Variants in XPO6 observed in about 807,000 individuals in gnomAD.
XPO6 encodes the protein exportin 6.
XPO6 carries 3 observed loss-of-function variants against 130.0 expected under a neutral mutation model. That is an observed-to-expected ratio of 0.02 (90% CI 0.01 to 0.06). The LOEUF is 0.06. Among genes scored for constraint, XPO6 ranks in the 10% least tolerant of loss-of-function variants. The pLI, the probability that XPO6 is intolerant of heterozygous loss-of-function variation, is 1.00. For synonymous variants in XPO6, 524 were observed against 548.9 expected, an observed-to-expected ratio of 0.95 and a Z score of 0.63; for missense variants, 970 against 1,393.0, an observed-to-expected ratio of 0.70 and a Z score of 4.83.
At chr16:28,196,439 T>C (rs1165369807) in intron 1 of XPO6, among the ~76,000 whole-genome samples, 2 of 152,164 alleles carry the variant, frequency 1.3e-5, no homozygotes, top group Non-Finnish European at 2.9e-5. Context: ...GACTGCTTAA[T>C]GGGTACAGGT....
At chr16:28,151,303 G>A (rs575399758) in intron 8 of XPO6, among the ~76,000 whole-genome samples, 2 of 151,566 alleles carry the variant, frequency 1.3e-5, no homozygotes, top group Admixed American at 1.3e-4. Context: ...GTACAAGAAT[G>A]TTCACTGCAA....
At chr16:28,148,318 C>A (rs181773364) in intron 8 of XPO6, among the ~76,000 whole-genome samples, 1 of 152,344 alleles carries the variant, frequency 6.6e-6, no homozygotes, top group East Asian at 1.9e-4. Flanking sequence ...TCCATTCCTG[C>A]AGGCCCCACT....
At chr16:28,105,818 T>G in intron 20 of XPO6, 1 of 612,722 alleles carries the variant, frequency 1.6e-6, no homozygotes, top group South Asian at 2.9e-5. Context: ...CAACTGACCC[T>G]GTGGAATAAC....
rs1303140617 is a variant in XPO6, at chr16:28,135,339, G to C, written c.1335-15C>G. 1 of 1,608,062 alleles carries C rather than the reference G, an allele frequency of 6.2e-7. No individual in the cohort carries two copies. The highest frequency in any genetic ancestry group is 2.2e-5 in the East Asian group (1 of 44,850). ...CATCTTCGTACCTATGTGGCAGGGA[G>C]AAATTCAACATTGAAAGGAGGCTTT... On this transcript the variant is annotated splice_polypyrimidine_tract_variant and intron_variant, in intron 9 of 23. Coordinates refer to ENST00000304658, the MANE Select transcript of XPO6 (RefSeq NM_015171.4).
At position 28,190,605 on chromosome 16, in the gene XPO6, T is replaced by C. The variant is rs573510724; in HGVS notation, c.4-9574A>G. Among the ~76,000 whole-genome samples, 31 of 152,272 alleles carry C rather than the reference T, an allele frequency of 2.0e-4. 1 individual carries two copies. The South Asian group carries it at 4.6e-3, about 22-fold the overall frequency. On this transcript the variant is annotated intron_variant, in intron 1 of 23. Transcript: ENST00000304658. ...GCTACACCTGACCACAGATTGATCC[T>C]GGACTGGAGGGAAAAAATGCTATGA...
At chr16:28,208,388 A>G (rs1440808059) in intron 1 of XPO6, among the ~76,000 whole-genome samples, 1 of 152,206 alleles carries the variant, frequency 6.6e-6, no homozygotes, top group East Asian at 1.9e-4. Context: ...GATCCCAGGG[A>G]AAAGACCCTC....
intron 12 of XPO6, among the ~76,000 whole-genome samples, chr16:28,131,648 ATCT>A (rs1239175103): frequency 3.9e-5 from 6 of 152,224 alleles, no homozygotes; most frequent in Non-Finnish European, 8.8e-5. Context: ...GTAAATTAAC[ATCT>A]CTGAACATCA....
intron 1 of XPO6, among the ~76,000 whole-genome samples, chr16:28,206,552 A>G (rs1209590828): frequency 6.6e-6 from 1 of 152,110 alleles, no homozygotes; most frequent in Non-Finnish European, 1.5e-5. Context: ...TGTCTCAAAA[A>G]ATAAATAAAT....
chr16:28,201,286 ATACTAT>A (rs1411974813), intron 1 of XPO6, among the ~76,000 whole-genome samples: 10 of 152,056 alleles, frequency 6.6e-5, no homozygotes, highest in African/African-American at 9.7e-5. Flanking sequence ...CCCTCTCCAA[ATACTAT>A]TACTATCATT....
At chr16:28,149,909 G>C (rs1220366448) in intron 8 of XPO6, among the ~76,000 whole-genome samples, 1 of 152,196 alleles carries the variant, frequency 6.6e-6, no homozygotes, top group Non-Finnish European at 1.5e-5. Flanking sequence ...AGCTATGAGA[G>C]AGTAAGATCA....
At position 28,156,335 on chromosome 16, in the gene XPO6, C is replaced by A. The variant is rs746452823; in HGVS notation, c.836G>T (p.Arg279Leu). Residue 279 changes from arginine to leucine, a missense_variant, in exon 7 of 24, where the codon CGA (arginine) becomes CTA (leucine). By Grantham distance (102) the Arg-to-Leu change is moderately radical (BLOSUM62 -2). Transcript: ENST00000304658. ...SLLTTIFHFA[R>L]FGCDIRARKM... ...TCTGGCCCGGATGTCACAGCCAAAT[C>A]GTGCAAAGTGGAAGATGGTGGTAAG... 6.2e-7 allele frequency: 1 copy of A among 1,613,946 alleles called. No homozygotes were observed. The highest frequency in any genetic ancestry group is 8.5e-7 in the Non-Finnish European group (1 of 1,179,996).
chr16:28,099,391 T>G (rs2086605780), intron 23 of XPO6, among the ~76,000 whole-genome samples: 1 of 152,210 alleles, frequency 6.6e-6, no homozygotes, highest in South Asian at 2.1e-4. Flanking sequence ...GCCCAACCAC[T>G]ATTCCTCTTC....
At position 28,146,132 on chromosome 16, in the gene XPO6, A is replaced by C; in HGVS notation, c.1296T>G (p.Ile432Met). The change falls in exon 9 of 24, where the codon ATT (isoleucine) becomes ATG (methionine). Residue 432 changes from isoleucine (I) to methionine (M), a missense_variant. Coordinates refer to ENST00000304658, the MANE Select transcript of XPO6 (RefSeq NM_015171.4). ...CTTCCTTGTCTCCAAGACGACTTTT[A>C]ATTTTACTTGTCAGATAGTCCAAAA... is the stretch of plus-strand genomic sequence containing the variant. Reference protein sequence around the residue: ...TLFLDYLTSKIKSRLGDKEAV... With the variant: ...TLFLDYLTSKMKSRLGDKEAV... 4 of 1,614,160 alleles carry C rather than the reference A, an allele frequency of 2.5e-6. No individual in the cohort carries two copies. Among genetic ancestry groups the C allele is most frequent in the Non-Finnish European group, 3.4e-6 (4 of 1,179,990 alleles).
intron 1 of XPO6, among the ~76,000 whole-genome samples, chr16:28,195,247 G>C (rs77476419): frequency 0.013 from 2,017 of 152,168 alleles, 23 homozygotes; most frequent in African/African-American, 0.038. Flanking sequence ...CCAAAGCTTA[G>C]GTGTAAAGGA....
At chr16:28,169,417 A>G (rs2043414213) in intron 5 of XPO6, among the ~76,000 whole-genome samples, 1 of 152,156 alleles carries the variant, frequency 6.6e-6, no homozygotes, top group Admixed American at 6.5e-5. Context: ...CTTCAATTCA[A>G]ATTATTTTAA....
intron 18 of XPO6, 89 bp downstream of exon 18, chr16:28,107,433 C>T (rs1003892279): frequency 6.8e-7 from 1 of 1,477,930 alleles, no homozygotes; most frequent in South Asian, 1.2e-5. Context: ...GCCTGTACTG[C>T]ACCGACTCAG....
intron 4 of XPO6, among the ~76,000 whole-genome samples, chr16:28,174,807 T>G (rs1003758600): frequency 2.0e-5 from 3 of 152,220 alleles, no homozygotes; most frequent in Non-Finnish European, 4.4e-5. Flanking sequence ...CAAAGAACTT[T>G]ATTTCTATAA....
Position 28,121,768 on chromosome 16 carries a change from G to A in XPO6, c.1767-6C>T, listed in dbSNP as rs770984529. The A allele has an allele frequency of 6.3e-6, 10 of 1,592,118 alleles. No homozygotes were observed. The South Asian group carries it at 1.1e-4, about 18-fold the overall frequency. ...ACAGAGTGACTTTGACCAACCTGTTGGCAAAGAGGCAGGTAAACAAGAACA... is the reference window on the plus strand; with the variant it reads ...ACAGAGTGACTTTGACCAACCTGTTAGCAAAGAGGCAGGTAAACAAGAACA... On this transcript the variant is annotated splice_polypyrimidine_tract_variant and splice_region_variant and intron_variant, in intron 13 of 23. Transcript: ENST00000304658.
At chr16:28,200,169 G>A (rs1396250862) in intron 1 of XPO6, among the ~76,000 whole-genome samples, 11 of 150,944 alleles carry the variant, frequency 7.3e-5, no homozygotes, top group Admixed American at 5.3e-4. Flanking sequence ...AAAAAGAAAA[G>A]GGAAAGGAAA....
Sources: allele counts gnomAD v4.1 joint callset (sites outside exome capture counted in the v4.1 genomes callset), GRCh38; gene constraint gnomAD v4.1.1; transcripts MANE v1.5; gene names NCBI Gene and HGNC (gene_info 2026-07-23, HGNC 2026-07-21).